Variants in FEZ2 observed in about 807,000 individuals in gnomAD.
FEZ2 encodes the protein fasciculation and elongation protein zeta 2, also known as fasciculation and elongation protein zeta-2.
A neutral mutation model predicts 40.4 loss-of-function variants in FEZ2; 51 were observed. That is an observed-to-expected ratio of 1.26 (90% CI 1.01 to 1.59). The LOEUF (loss-of-function observed/expected upper bound fraction) is 1.59, where lower values mean the gene tolerates loss of function less well. FEZ2 is among the 40% of genes most tolerant of loss of function. The pLI is 0.00. For synonymous variants in FEZ2, 242 were observed against 172.0 expected (o/e 1.41, Z -3.18); for missense variants, 640 against 438.3 (o/e 1.46, Z -4.11).
chr2:36,583,559 C>T (rs1573024612), intron 2 of FEZ2, 90 bp from the exon 3 acceptor site: 2 of 718,276 alleles, frequency 2.8e-6, no homozygotes, highest in Non-Finnish European at 5.0e-6. Flanking sequence ...CAGAGAAAAG[C>T]AACTACTAAG....
intron 1 of FEZ2, 169 bp from the exon 2 acceptor site, chr2:36,591,180 GA>G: frequency 1.7e-6 from 1 of 593,568 alleles, no homozygotes. Context: ...AAACAAAAAC[GA>G]GGTGAAAAAT....
intron 5 of FEZ2, among the ~76,000 whole-genome samples, chr2:36,562,472 G>C (rs1354477487): frequency 1.3e-5 from 2 of 152,154 alleles, no homozygotes; most frequent in African/African-American, 2.4e-5. Flanking sequence ...CCTTACAGGA[G>C]ACTGTACAAA....
chr2:36,594,110 C>T (rs1669146429), intron 1 of FEZ2, among the ~76,000 whole-genome samples: 4 of 152,030 alleles, frequency 2.6e-5, no homozygotes, highest in Admixed American at 2.6e-4. Context: ...ACAACTTCCT[C>T]ATCTCCATCT....
chr2:36,598,154 G>T lies in FEZ2; in HGVS notation c.-12C>A. On this transcript the variant is annotated 5_prime_UTR_variant, in exon 1 of 8. Coordinates refer to ENST00000405912, the MANE Select transcript of FEZ2 (RefSeq NM_005102.3). ...CCGTCCGCCGCCATCGCCGCCCGGA[G>T]CAGTCGCGCGCCCCGCCCAGGCCGG... 3 of 1,448,900 alleles carry T rather than the reference G, an allele frequency of 2.1e-6. No individual in the cohort carries two copies. Among genetic ancestry groups the T allele is most frequent in the Middle Eastern group, 2.5e-4 (1 of 4,074 alleles). The allele number at this position is 1,448,900 out of a possible 1,614,324, so 89.8% of individuals were successfully genotyped here.
intron 2 of FEZ2, chr2:36,589,665 T>C (rs1472760059): frequency 6.6e-6 from 1 of 152,252 alleles, no homozygotes; most frequent in Non-Finnish European, 1.5e-5. Flanking sequence ...CAGGTCAGTC[T>C]GCAAAGCTTA....
chr2:36,594,140 T>C (rs1047367614), intron 1 of FEZ2, among the ~76,000 whole-genome samples: 7 of 151,990 alleles, frequency 4.6e-5, no homozygotes, highest in African/African-American at 1.4e-4. Context: ...TCAGCCTGGA[T>C]TTTATTGTCC....
rs142002536 is a variant in FEZ2 at position 36,553,256 on chromosome 2, C to T, written c.1046-77G>A. On this transcript the variant is annotated intron_variant, in intron 7 of 7. Transcript: ENST00000405912. ...ACACAAAACATACATTTTACATGTACATTTAAAAACCATTAAGTAATGAGA... is the reference window on the plus strand; with the variant it reads ...ACACAAAACATACATTTTACATGTATATTTAAAAACCATTAAGTAATGAGA... 13 of 1,068,996 alleles carry T rather than the reference C, an allele frequency of 1.2e-5. No homozygotes were observed. The South Asian group carries it at 1.4e-4, about 12-fold the overall frequency. 66.2% of individuals were successfully genotyped at this position (1,068,996 alleles called of 1,614,324 possible).
chr2:36,553,642 G>T (rs981426504), intron 7 of FEZ2, among the ~76,000 whole-genome samples: 1 of 152,144 alleles, frequency 6.6e-6, no homozygotes, highest in African/African-American at 2.4e-5. Flanking sequence ...CATTAGGCAG[G>T]TGCGAGAAAG....
Position 36,581,360 on chromosome 2 carries a change from T to C in FEZ2, c.564A>G (p.Ser188=), listed in dbSNP as rs547540281. 1.9e-6 allele frequency: 3 copies of C among 1,613,528 alleles called. No individual in the cohort carries two copies. The South Asian group carries it at 3.3e-5, about 18-fold the overall frequency. Residue 188 remains serine, a synonymous_variant, in exon 4 of 8, where the codon TCA becomes TCG. Transcript: ENST00000405912. ...CCTGGGAAAGCATTGAAAGCCGATC[T>C]GACTGTGTAGGGGTTTCATCATCTT... ...DPEDDETPTQ[S]DRLSMLSQEI...
At chr2:36,596,926 G>C (rs910769005) in intron 1 of FEZ2, among the ~76,000 whole-genome samples, 1 of 152,044 alleles carries the variant, frequency 6.6e-6, no homozygotes, top group Non-Finnish European at 1.5e-5. Flanking sequence ...AATTATAATT[G>C]CGGCTCAGGT....
At chr2:36,564,094 T>C (rs1456303054) in intron 5 of FEZ2, among the ~76,000 whole-genome samples, 1 of 152,160 alleles carries the variant, frequency 6.6e-6, no homozygotes. Context: ...AGCTCCACTT[T>C]ACTAAGATCA....
intron 2 of FEZ2, 51 bp downstream of exon 2, chr2:36,590,852 C>T: frequency 9.8e-7 from 1 of 1,021,276 alleles, no homozygotes; most frequent in Admixed American, 1.7e-5. Context: ...TGTTTTAGTT[C>T]TATTATCAGC....
intron 1 of FEZ2, among the ~76,000 whole-genome samples, chr2:36,593,855 T>TC (rs1183125302): frequency 6.6e-6 from 1 of 151,932 alleles, no homozygotes; most frequent in Non-Finnish European, 1.5e-5. Flanking sequence ...TTTTTTTTTT[T>TC]TCTATCGCAT....
At chr2:36,596,988 TA>T (rs1378536036) in intron 1 of FEZ2, among the ~76,000 whole-genome samples, 1 of 152,198 alleles carries the variant, frequency 6.6e-6, no homozygotes, top group Non-Finnish European at 1.5e-5. Context: ...CCAGCTGTGA[TA>T]AAACCCCGTG....
At chr2:36,575,496 A>G (rs1668542814) in intron 5 of FEZ2, among the ~76,000 whole-genome samples, 1 of 152,178 alleles carries the variant, frequency 6.6e-6, no homozygotes, top group Admixed American at 6.5e-5. Flanking sequence ...CTGTATCTTG[A>G]AGAACACCTG....
At chr2:36,582,104 A>G (rs1470142792) in intron 3 of FEZ2, among the ~76,000 whole-genome samples, 1 of 152,208 alleles carries the variant, frequency 6.6e-6, no homozygotes, top group Non-Finnish European at 1.5e-5. Context: ...AGTGCTGCTC[A>G]AATCTTACAA....
chr2:36,588,152 C>T (rs1399699726), intron 2 of FEZ2, among the ~76,000 whole-genome samples: 1 of 152,090 alleles, frequency 6.6e-6, no homozygotes, highest in Non-Finnish European at 1.5e-5. Flanking sequence ...CCTCAGCCTC[C>T]CAAGTATCTG....
In FEZ2 at chr2:36,578,868, G is replaced by A. The variant is rs1668654196; in HGVS notation, c.635-3C>T. ...AGACACTGAGAGCCTTTTCACTCCT[G>A]TGACCAAAAGCAAAATACAGCAGAT... On this transcript the variant is annotated splice_polypyrimidine_tract_variant and splice_region_variant and intron_variant, in intron 4 of 7. Transcript: ENST00000405912. 3 of 1,603,214 alleles carry A rather than the reference G, an allele frequency of 1.9e-6. No individual in the cohort carries two copies. Among genetic ancestry groups the A allele is most frequent in the Non-Finnish European group, 1.7e-6 (2 of 1,175,916 alleles).
chr2:36,557,882 T>A (rs1381320377), intron 6 of FEZ2: 1 of 152,144 alleles, frequency 6.6e-6, no homozygotes, highest in Non-Finnish European at 1.5e-5. Flanking sequence ...AGGTGCATTA[T>A]CTTTGTCTGC....
Sources: allele counts gnomAD v4.1 joint callset (sites outside exome capture counted in the v4.1 genomes callset), GRCh38; gene constraint gnomAD v4.1.1; transcripts MANE v1.5; gene names NCBI Gene and HGNC (gene_info 2026-07-23, HGNC 2026-07-21).